The following FRAS1 variants were observed in gnomAD, a reference collection of about 807,000 sequenced individuals.
FRAS1 encodes the protein Fraser extracellular matrix complex subunit 1, also known as extracellular matrix organizing protein FRAS1.
FRAS1 carries 290 observed loss-of-function variants against 435.2 expected under a neutral mutation model. The observed-to-expected ratio is 0.67, with a 90% CI of 0.61 to 0.73. The LOEUF is 0.73. FRAS1 is among the 30% of genes least tolerant of loss of function. The pLI is 0.00. For missense variants in FRAS1, 4,860 were observed against 5,001.5 expected (o/e 0.97, Z 0.85); for synonymous variants, 1,800 against 1,851.0 (o/e 0.97, Z 0.71).
At chr4:78,177,451 C>A (rs1375205813) in intron 2 of FRAS1, among the ~76,000 whole-genome samples, 1 of 152,124 alleles carries the variant, frequency 6.6e-6, no homozygotes, top group Non-Finnish European at 1.5e-5. Context: ...AACTCATGAG[C>A]TGCTGAGACA....
At chr4:78,472,824 A>T (rs950967538) in intron 52 of FRAS1, among the ~76,000 whole-genome samples, 1 of 152,216 alleles carries the variant, frequency 6.6e-6, no homozygotes, top group African/African-American at 2.4e-5. Context: ...GGCCATGTTA[A>T]GCTTGTCAGG....
chr4:78,219,939 C>A (rs1723979508), intron 2 of FRAS1, among the ~76,000 whole-genome samples: 1 of 152,156 alleles, frequency 6.6e-6, no homozygotes, highest in Non-Finnish European at 1.5e-5. Context: ...ATCATTCTCA[C>A]CGACAGAGGA....
intron 2 of FRAS1, among the ~76,000 whole-genome samples, chr4:78,126,676 C>T (rs1214182476): frequency 6.6e-6 from 1 of 152,138 alleles, no homozygotes; most frequent in Admixed American, 6.5e-5. Flanking sequence ...TCATTCTAAT[C>T]TTTTGTTTTA....
At chr4:78,230,998 G>A (rs147467691) in intron 2 of FRAS1, among the ~76,000 whole-genome samples, 2,266 of 152,086 alleles carry the variant, frequency 0.015, 44 homozygotes, top group African/African-American at 0.05. Context: ...ACTGTTGCCG[G>A]TGCTGGAGTG....
rs981831198 is a variant in FRAS1, at chr4:78,412,100, C to T, written c.4309-869C>T. On this transcript the variant is annotated intron_variant, in intron 31 of 73. Coordinates refer to ENST00000512123, the MANE Select transcript of FRAS1 (RefSeq NM_025074.7). ...CAGTGATGCTATATCTCCTTAAAAA[C>T]GTGTATTTTGAGACTCGATCCCAGG... Among the ~76,000 whole-genome samples, 3 of 152,284 alleles carry T rather than the reference C, an allele frequency of 2.0e-5. No homozygotes were observed. The South Asian group carries it at 6.2e-4, about 32-fold the overall frequency.
chr4:78,388,241 C>T (rs796155063), intron 29 of FRAS1, among the ~76,000 whole-genome samples: 97 of 150,586 alleles, frequency 6.4e-4, no homozygotes, highest in African/African-American at 2.2e-3. Flanking sequence ...AGGAGAATGG[C>T]GTGAACCCAG....
chr4:78,113,748 A>G (rs1012488214), intron 2 of FRAS1, among the ~76,000 whole-genome samples: 1 of 151,980 alleles, frequency 6.6e-6, no homozygotes, highest in Non-Finnish European at 1.5e-5. Context: ...AGATGAGTAG[A>G]TTGCAAAAAT....
At chr4:78,209,140 A>G (rs1180358124) in intron 2 of FRAS1, among the ~76,000 whole-genome samples, 2 of 151,854 alleles carry the variant, frequency 1.3e-5, no homozygotes, top group African/African-American at 2.4e-5. Context: ...GCAAGACCCC[A>G]TGTAAAAAAA....
chr4:78,431,949 C>T (rs368210668), intron 37 of FRAS1, among the ~76,000 whole-genome samples: 1 of 151,902 alleles, frequency 6.6e-6, no homozygotes, highest in Non-Finnish European at 1.5e-5. Context: ...ATTTTCTTAA[C>T]TTTTTCAAAA....
At chr4:78,329,558 C>T (rs891281175) in intron 18 of FRAS1, among the ~76,000 whole-genome samples, 1 of 152,168 alleles carries the variant, frequency 6.6e-6, no homozygotes, top group Non-Finnish European at 1.5e-5. Flanking sequence ...AACAAGGCAT[C>T]GATCAGAAAT....
At chr4:78,248,305 A>G (rs1725351307) in intron 4 of FRAS1, among the ~76,000 whole-genome samples, 1 of 152,212 alleles carries the variant, frequency 6.6e-6, no homozygotes, top group East Asian at 1.9e-4. Context: ...GCAAGCCTCA[A>G]ATGCGTTTTA....
chr4:78,091,412 C>T (rs1741512974), intron 2 of FRAS1, among the ~76,000 whole-genome samples: 1 of 151,964 alleles, frequency 6.6e-6, no homozygotes, highest in Non-Finnish European at 1.5e-5. Flanking sequence ...TCATGTTACT[C>T]CTTTTCTTAA....
chr4:78,228,186 C>T (rs1045257539), intron 2 of FRAS1, among the ~76,000 whole-genome samples: 1 of 151,920 alleles, frequency 6.6e-6, no homozygotes, highest in African/African-American at 2.4e-5. Context: ...CTTTTTTCCC[C>T]CATTTCCCTT....
intron 47 of FRAS1, 75 bp downstream of exon 47, chr4:78,452,429 A>G: frequency 1.8e-6 from 2 of 1,119,560 alleles, no homozygotes; most frequent in East Asian, 2.5e-5. Context: ...CACATCATGT[A>G]TCATGTATAC....
chr4:78,164,022 T>G (rs1721242724), intron 2 of FRAS1, among the ~76,000 whole-genome samples: 1 of 152,206 alleles, frequency 6.6e-6, no homozygotes. Flanking sequence ...CCACCTGGCC[T>G]GAACAACAGT....
At chr4:78,188,889 G>A (rs1722405779) in intron 2 of FRAS1, among the ~76,000 whole-genome samples, 1 of 152,218 alleles carries the variant, frequency 6.6e-6, no homozygotes, top group African/African-American at 2.4e-5. Context: ...AAGGGCAGCG[G>A]TATGGATGGA....
rs200113218 is a variant in FRAS1 at position 78,369,918 on chromosome 4, G to A, written c.2803G>A (p.Gly935Arg). The stretch of plus-strand genomic sequence containing the variant: ...AGATCCAAACAAGGTTCTGCTCTTT[G>A]GGGAATGTCAATACGAGAGCTGCGC... The part of the protein sequence containing the change: ...CRDPNKVLLF[G>R]ECQYESCAPQ... The change falls in exon 23 of 74, where the codon GGG becomes AGG. Residue 935 changes from glycine (G) to arginine (R), a missense_variant. Coordinates refer to ENST00000512123, the MANE Select transcript of FRAS1 (RefSeq NM_025074.7). 1.2e-6 allele frequency: 2 copies of A among 1,613,834 alleles called. No homozygotes were observed. Among genetic ancestry groups the A allele is most frequent in the East Asian group, 2.2e-5 (1 of 44,886 alleles).
chr4:78,137,250 C>G (rs913617155), intron 2 of FRAS1, among the ~76,000 whole-genome samples: 10 of 152,158 alleles, frequency 6.6e-5, no homozygotes, highest in African/African-American at 2.4e-4. Context: ...CCTACATGAT[C>G]ATAGTCAATT....
intron 69 of FRAS1, among the ~76,000 whole-genome samples, chr4:78,524,709 G>A (rs1301847606): frequency 6.6e-6 from 1 of 152,136 alleles, no homozygotes; most frequent in Non-Finnish European, 1.5e-5. Flanking sequence ...AAGGTTCTGG[G>A]CACCTTGAAT....
Sources: allele counts gnomAD v4.1 joint callset (sites outside exome capture counted in the v4.1 genomes callset), GRCh38; gene constraint gnomAD v4.1.1; transcripts MANE v1.5; gene names NCBI Gene and HGNC (gene_info 2026-07-23, HGNC 2026-07-21).